The following DMD variants were observed in gnomAD, a reference collection of about 807,000 sequenced individuals.
DMD encodes the protein mutant dystrophin.
DMD carries 63 observed loss-of-function variants against 330.1 expected under a neutral mutation model. That is an observed-to-expected ratio of 0.19 (90% confidence interval 0.16 to 0.24). DMD has a LOEUF of 0.24. Among genes scored for constraint, DMD ranks in the 10% least tolerant of loss-of-function variants. The pLI, the probability that DMD is intolerant of heterozygous loss-of-function variation, is 1.00. For missense variants in DMD, 3,344 were observed against 2,684.1 expected (o/e 1.25, Z -5.43); for synonymous variants, 1,223 against 959.8 (o/e 1.27, Z -5.07).
intron 47 of DMD, among the ~76,000 whole-genome samples, chrX:31,887,759 T>C (rs1353452156): frequency 8.9e-6 from 1 of 111,962 alleles, no homozygotes; most frequent in Non-Finnish European, 1.9e-5. Flanking sequence ...ACTTATGTCT[T>C]CTTTCTTCTC....
At chrX:31,956,229 C>T (rs2095244959) in intron 45 of DMD, among the ~76,000 whole-genome samples, 1 of 111,868 alleles carries the variant, frequency 8.9e-6, no homozygotes, top group Non-Finnish European at 1.9e-5. Flanking sequence ...TCTTCAACAT[C>T]ATAGAGCAAT....
intron 41 of DMD, among the ~76,000 whole-genome samples, chrX:32,327,192 GCA>G (rs1491222606): frequency 1.8e-3 from 69 of 38,548 alleles, no homozygotes; most frequent in South Asian, 5.5e-3. Context: ...GCTACTAGGG[GCA>G]CAAAAAAAAA....
intron 29 of DMD, among the ~76,000 whole-genome samples, chrX:32,418,752 T>C (rs1374870114): frequency 1.8e-5 from 2 of 109,438 alleles, no homozygotes; most frequent in African/African-American, 6.7e-5. Flanking sequence ...CTTAAAGAAG[T>C]TGACACTTCA....
intron 7 of DMD, among the ~76,000 whole-genome samples, chrX:32,794,825 G>A (rs1386659032): frequency 1.8e-5 from 2 of 111,371 alleles, no homozygotes; most frequent in Non-Finnish European, 3.8e-5. Context: ...TAAAGTTGCA[G>A]GATACAAAAA....
chrX:32,716,143 C>T (rs995834154), intron 7 of DMD, among the ~76,000 whole-genome samples: 13 of 111,164 alleles, frequency 1.2e-4, no homozygotes, highest in East Asian at 2.8e-4. Context: ...ATATTCTTGT[C>T]GTATTTATTG....
At chrX:32,200,736 T>A (rs979533008) in intron 44 of DMD, among the ~76,000 whole-genome samples, 3 of 111,737 alleles carry the variant, frequency 2.7e-5, no homozygotes, top group African/African-American at 9.8e-5. Flanking sequence ...AGCATTTACT[T>A]CCTTTTTGGT....
At chrX:31,503,272 G>A (rs912315049) in intron 56 of DMD, among the ~76,000 whole-genome samples, 2 of 112,204 alleles carry the variant, frequency 1.8e-5, no homozygotes, top group African/African-American at 6.5e-5. Context: ...TGTGATTGCA[G>A]AACTAAAAGA....
chrX:32,207,574 C>T (rs2097075482), intron 44 of DMD, among the ~76,000 whole-genome samples: 1 of 111,832 alleles, frequency 8.9e-6, no homozygotes. Context: ...CCCAAGGAGA[C>T]TAGAAAATAT....
chrX:32,000,372 T>C (rs1030139347), intron 44 of DMD, among the ~76,000 whole-genome samples: 3 of 112,246 alleles, frequency 2.7e-5, no homozygotes, highest in African/African-American at 9.7e-5. Context: ...ATAAATGCAA[T>C]GCTGTTTGAT....
intron 62 of DMD, among the ~76,000 whole-genome samples, chrX:31,279,810 G>A (rs149802471): frequency 0.027 from 3,019 of 112,605 alleles, 45 homozygotes; most frequent in Non-Finnish European, 0.044. Context: ...GTGTTATAGA[G>A]TTTATGAACT....
At chrX:32,440,426 T>C (rs1035872391) in intron 28 of DMD, among the ~76,000 whole-genome samples, 3 of 111,659 alleles carry the variant, frequency 2.7e-5, no homozygotes, top group African/African-American at 9.7e-5. Context: ...TCTAAAGAAA[T>C]ACCTTACATT....
intron 44 of DMD, among the ~76,000 whole-genome samples, chrX:32,201,898 A>G (rs992580536): frequency 3.6e-5 from 4 of 112,185 alleles, no homozygotes; most frequent in African/African-American, 1.3e-4. Flanking sequence ...AAACTGCTGA[A>G]TGAGTATTGA....
Position 32,454,645 on chromosome X carries a change from TC to T in DMD, c.3603+16del. ...TATTTCCTTTGTTTTACTTAGTTTT[TC>T]TTTTTTTTTTTTTACCTTCATCTCT... On this transcript the variant is annotated intron_variant, in intron 26 of 78. Transcript: ENST00000357033. The T allele has an allele frequency of 1.0e-6, 1 of 956,662 alleles. No homozygotes were observed. The highest frequency in any genetic ancestry group is 1.4e-6 in the Non-Finnish European group (1 of 698,278). The allele number at this position is 956,662 out of a possible 1,213,427, so 78.8% of individuals were successfully genotyped here.
intron 42 of DMD, among the ~76,000 whole-genome samples, chrX:32,294,913 C>T (rs753555397): frequency 6.3e-5 from 7 of 110,417 alleles, no homozygotes; most frequent in African/African-American, 2.3e-4. Flanking sequence ...AGTTTCTGAC[C>T]CTCTAAAAAG....
chrX:31,370,966 G>A (rs1391530954), intron 60 of DMD, among the ~76,000 whole-genome samples: 1 of 111,901 alleles, frequency 8.9e-6, no homozygotes, highest in Non-Finnish European at 1.9e-5. Flanking sequence ...TAACATTATT[G>A]AAATAACAAA....
intron 3 of DMD, among the ~76,000 whole-genome samples, chrX:32,847,545 AG>A (rs1482234484): frequency 2.8e-4 from 31 of 112,442 alleles, no homozygotes; most frequent in Admixed American, 7.5e-4. Flanking sequence ...GACAAGGCAT[AG>A]CGAATTGGAG....
chrX:33,076,602 GAA>G (rs1263057236), intron 1 of DMD, among the ~76,000 whole-genome samples: 1 of 111,525 alleles, frequency 9.0e-6, no homozygotes, highest in Non-Finnish European at 1.9e-5. Context: ...AATAAAACAA[GAA>G]AAGTTGGTTA....
chrX:31,214,349 T>C (rs1376959724), intron 64 of DMD, among the ~76,000 whole-genome samples: 2 of 112,329 alleles, frequency 1.8e-5, no homozygotes, highest in Non-Finnish European at 3.8e-5. Context: ...TGGCTATTAG[T>C]TGGTACTTAA....
intron 44 of DMD, among the ~76,000 whole-genome samples, chrX:32,042,028 T>TTC (rs2096009266): frequency 9.3e-5 from 1 of 10,700 alleles, no homozygotes; most frequent in African/African-American, 3.5e-4. Context: ...TCTCTGTTCA[T>TTC]ATATATATAT....
Sources: gnomAD v4.1 joint callset for allele counts (sites outside exome capture counted in the v4.1 genomes callset) on GRCh38, gnomAD v4.1.1 for gene constraint, MANE v1.5 for transcripts, NCBI Gene and HGNC (gene_info 2026-07-23, HGNC 2026-07-21) for gene names.